The following ADARB2 variants were observed in gnomAD, a reference collection of about 807,000 sequenced individuals.
ADARB2 encodes inactive double-stranded RNA-specific editase B2.
In ADARB2, 25 loss-of-function variants were observed where a neutral mutation model predicts 62.2. That is an observed-to-expected ratio of 0.40 (90% confidence interval 0.29 to 0.56). The LOEUF (loss-of-function observed/expected upper bound fraction) is 0.56, where lower values mean the gene tolerates loss of function less well. Among genes scored for constraint, ADARB2 ranks in the 20% least tolerant of loss-of-function variants. The probability of loss-of-function intolerance (pLI) is 0.43; values close to 1 mark genes in which losing one functional copy is unlikely to be tolerated. For missense variants in ADARB2, 1,071 were observed against 1,077.4 expected, an observed-to-expected ratio of 0.99 and a Z score of 0.08; for synonymous variants, 572 against 500.8, an observed-to-expected ratio of 1.14 and a Z score of -1.90.
intron 1 of ADARB2, among the ~76,000 whole-genome samples, chr10:1,696,192 A>G (rs77105628): frequency 6.9e-6 from 1 of 144,428 alleles, no homozygotes; most frequent in African/African-American, 2.5e-5. Context: ...ACATGCATAT[A>G]TGTGTCACGT....
At chr10:1,378,988 G>T in intron 2 of ADARB2, 86 bp downstream of exon 2, 1 of 1,120,038 alleles carries the variant, frequency 8.9e-7, no homozygotes, top group Middle Eastern at 2.1e-4. Context: ...ATGACCCCAG[G>T]TATCTCAGGT....
At chr10:1,372,715 G>A (rs934982607) in intron 2 of ADARB2, among the ~76,000 whole-genome samples, 9 of 152,146 alleles carry the variant, frequency 5.9e-5, no homozygotes, top group Middle Eastern at 3.2e-3. Flanking sequence ...CAAATAGACA[G>A]TTCAAAATAG....
At chr10:1,258,112 C>G (rs1004475715) in intron 4 of ADARB2, among the ~76,000 whole-genome samples, 2 of 152,112 alleles carry the variant, frequency 1.3e-5, no homozygotes, top group African/African-American at 4.8e-5. Context: ...CCTTTCCTAG[C>G]TCTCTCTTTT....
At chr10:1,322,825 A>G (rs1179491846) in intron 3 of ADARB2, among the ~76,000 whole-genome samples, 1 of 152,228 alleles carries the variant, frequency 6.6e-6, no homozygotes, top group East Asian at 1.9e-4. Context: ...CATTAAGTGT[A>G]TAATTTTAAA....
chr10:1,505,030 G>A (rs1281473948), intron 1 of ADARB2, among the ~76,000 whole-genome samples: 1 of 150,620 alleles, frequency 6.6e-6, no homozygotes, highest in African/African-American at 2.4e-5. Context: ...CACAGACACA[G>A]CCACACATGC....
intron 3 of ADARB2, among the ~76,000 whole-genome samples, chr10:1,328,137 G>C (rs184634708): frequency 6.6e-6 from 1 of 152,244 alleles, no homozygotes; most frequent in South Asian, 2.1e-4. Flanking sequence ...GAGAGGCAGC[G>C]CAGGCTCCGG....
intron 1 of ADARB2, among the ~76,000 whole-genome samples, chr10:1,724,133 C>A (rs1835133941): frequency 6.6e-6 from 1 of 152,108 alleles, no homozygotes; most frequent in Non-Finnish European, 1.5e-5. Context: ...AAGAGGTGCG[C>A]AAGGTAAAAT....
At chr10:1,423,464 G>A (rs568754766) in intron 1 of ADARB2, among the ~76,000 whole-genome samples, 20 of 152,228 alleles carry the variant, frequency 1.3e-4, no homozygotes, top group Non-Finnish European at 2.2e-4. Context: ...TGGCTGCTGC[G>A]TGTTCATGGT....
intron 6 of ADARB2, among the ~76,000 whole-genome samples, chr10:1,230,148 G>C (rs1310591386): frequency 2.6e-5 from 4 of 152,168 alleles, no homozygotes; most frequent in Admixed American, 6.5e-5. Flanking sequence ...AGGTCTCGGT[G>C]GAGGGGACTG....
intron 1 of ADARB2, among the ~76,000 whole-genome samples, chr10:1,521,906 G>A (rs910700788): frequency 6.6e-6 from 1 of 151,872 alleles, no homozygotes; most frequent in Admixed American, 6.6e-5. Context: ...ACCAAGCTGC[G>A]CCCCGACCAC....
At chr10:1,387,358 G>A (rs992264397) in intron 1 of ADARB2, among the ~76,000 whole-genome samples, 9 of 151,760 alleles carry the variant, frequency 5.9e-5, no homozygotes, top group African/African-American at 1.4e-4. Context: ...TAAATCTCAA[G>A]TTAGATTAAT....
At chr10:1,248,192 G>C (rs982575266) in intron 4 of ADARB2, among the ~76,000 whole-genome samples, 2 of 152,188 alleles carry the variant, frequency 1.3e-5, no homozygotes, top group African/African-American at 2.4e-5. Flanking sequence ...TCTGGAGTGT[G>C]AGGCAAAGGT....
chr10:1,204,521 C>T (rs1837025135), intron 7 of ADARB2, among the ~76,000 whole-genome samples: 1 of 152,242 alleles, frequency 6.6e-6, no homozygotes, highest in African/African-American at 2.4e-5. Flanking sequence ...GCCTCTGAAG[C>T]GGGCCTGGCT....
chr10:1,587,906 T>A (rs1349939331), intron 1 of ADARB2, among the ~76,000 whole-genome samples: 1 of 152,158 alleles, frequency 6.6e-6, no homozygotes, highest in East Asian at 1.9e-4. Flanking sequence ...TGCCGCCATG[T>A]AAGATGTGCC....
intron 1 of ADARB2, among the ~76,000 whole-genome samples, chr10:1,651,775 G>T (rs576496166): frequency 3.3e-5 from 5 of 152,188 alleles, no homozygotes; most frequent in African/African-American, 1.2e-4. Flanking sequence ...CCTGCTTATG[G>T]GTGCTGCTTT....
intron 1 of ADARB2, among the ~76,000 whole-genome samples, chr10:1,630,474 C>G (rs1232407979): frequency 2.0e-5 from 3 of 152,102 alleles, no homozygotes. Context: ...AGTAAACTCT[C>G]TATCAGAAGC....
chr10:1,531,881 C>T (rs1047716936), intron 1 of ADARB2, among the ~76,000 whole-genome samples: 1 of 152,114 alleles, frequency 6.6e-6, no homozygotes, highest in African/African-American at 2.4e-5. Flanking sequence ...TCCAGCTTTC[C>T]TCCTAACAAC....
chr10:1,456,125 A>T (rs531506831), intron 1 of ADARB2, among the ~76,000 whole-genome samples: 4 of 152,370 alleles, frequency 2.6e-5, no homozygotes, highest in African/African-American at 9.6e-5. Flanking sequence ...TTTAAGATCA[A>T]TGAAACTTAC....
intron 1 of ADARB2, among the ~76,000 whole-genome samples, chr10:1,422,422 G>T (rs561502234): frequency 6.6e-6 from 1 of 152,152 alleles, no homozygotes; most frequent in East Asian, 1.9e-4. Flanking sequence ...TTTGGAGACC[G>T]GGGCTGCAGG....
Sources: allele counts gnomAD v4.1 joint callset (sites outside exome capture counted in the v4.1 genomes callset), GRCh38; gene constraint gnomAD v4.1.1; transcripts MANE v1.5; gene names NCBI Gene and HGNC (gene_info 2026-07-23, HGNC 2026-07-21).